ATP13A5: variants seen among roughly 807,000 people sequenced by gnomAD.
ATP13A5 encodes probable cation-transporting ATPase 13A5.
A neutral mutation model predicts 150.2 loss-of-function variants in ATP13A5; 149 were observed. That is an observed-to-expected ratio of 0.99 (90% CI 0.87 to 1.14). The LOEUF (loss-of-function observed/expected upper bound fraction) is 1.14, where lower values mean the gene tolerates loss of function less well. Among genes scored for constraint, ATP13A5 ranks in the 50% most tolerant of loss-of-function variants. ATP13A5 has a pLI of 0.00. For synonymous variants in ATP13A5, 497 were observed against 522.2 expected (o/e 0.95, Z 0.66); for missense variants, 1,383 against 1,449.3 (o/e 0.95, Z 0.74).
At chr3:193,345,774 G>A (rs917522946) in intron 7 of ATP13A5, among the ~76,000 whole-genome samples, 1 of 152,140 alleles carries the variant, frequency 6.6e-6, no homozygotes, top group Non-Finnish European at 1.5e-5. Context: ...GCCATATTTA[G>A]TTCACTTTAA....
intron 11 of ATP13A5, among the ~76,000 whole-genome samples, 171 bp downstream of exon 11, chr3:193,333,579 A>G (rs1711724769): frequency 6.6e-6 from 1 of 152,214 alleles, no homozygotes; most frequent in Non-Finnish European, 1.5e-5. Flanking sequence ...TATTACCTAA[A>G]CACTGGGGGC....
intron 26 of ATP13A5, among the ~76,000 whole-genome samples, chr3:193,289,117 C>G (rs1208215546): frequency 6.6e-6 from 1 of 152,126 alleles, no homozygotes; most frequent in African/African-American, 2.4e-5. Context: ...TTCTGGTGCT[C>G]TGTGGAGTGA....
intron 1 of ATP13A5, among the ~76,000 whole-genome samples, chr3:193,373,200 G>A (rs1055981515): frequency 3.3e-5 from 5 of 152,030 alleles, no homozygotes; most frequent in Admixed American, 6.6e-5. Flanking sequence ...CTGCAATGGC[G>A]TGATCTCGGC....
chr3:193,329,360 A>G (rs1403467214), intron 12 of ATP13A5, among the ~76,000 whole-genome samples: 1 of 152,186 alleles, frequency 6.6e-6, no homozygotes, highest in African/African-American at 2.4e-5. Flanking sequence ...TGCCCTGCAG[A>G]GTTTGACCAA....
At chr3:193,290,382 G>T (rs1012095903) in intron 25 of ATP13A5, among the ~76,000 whole-genome samples, 1 of 152,090 alleles carries the variant, frequency 6.6e-6, no homozygotes, top group Non-Finnish European at 1.5e-5. Context: ...GAGGGAAATG[G>T]CCTTGCTCGT....
rs767507761 is a variant in ATP13A5 at position 193,305,647 on chromosome 3, C to T, written c.2590G>A (p.Gly864Ser). Residue 864 changes from glycine (G) to serine (S), a missense_variant, in exon 23 of 30, where the codon GGC (glycine) becomes AGC (serine). Gly to Ser is a moderately conservative substitution (Grantham distance 56). This residue lies in a region of ATP13A5 where 568 missense variants were observed against 621.5 expected (regional missense o/e 0.91). Transcript: ENST00000342358. ...DCGALKAAHA[G>S]ISLSEQEASV... ...GCTTCCTGCTCTGATAATGAAATGC[C>T]TGCATGAGCCGCTTTCAAAGCCTGG... is the stretch of plus-strand genomic sequence containing the variant. The T allele has an allele frequency of 6.2e-7, 1 of 1,613,946 alleles. No homozygotes were observed. Among genetic ancestry groups the T allele is most frequent in the South Asian group, 1.1e-5 (1 of 91,080 alleles).
rs140754891 is a variant in ATP13A5, at chr3:193,276,770, A to G, written c.3376T>C (p.Cys1126Arg). The G allele has an allele frequency of 3.5e-5, 56 of 1,611,982 alleles. No individual in the cohort carries two copies. The highest frequency in any genetic ancestry group is 4.4e-5 in the Non-Finnish European group (52 of 1,178,756). ...LILVVALTQF[C>R]VAFFVEDSIL... is the part of the protein sequence containing the mutation. ...TTTACCTCTACAAAGAAAGCCACAC[A>G]GAATTGGGTGAGGGCTACCACCAAA... is the stretch of plus-strand genomic sequence containing the variant. Residue 1126 changes from cysteine (C) to arginine (R), a missense_variant, in exon 29 of 30, where the codon TGT (cysteine) becomes CGT (arginine). Physicochemically the swap from Cys to Arg is radical, Grantham distance 180 (BLOSUM62 -3). This residue lies in a region of ATP13A5 where 568 missense variants were observed against 621.5 expected (regional missense o/e 0.91). Transcript: ENST00000342358.
At chr3:193,317,503 C>A (rs1474569670) in intron 17 of ATP13A5, among the ~76,000 whole-genome samples, 2 of 152,124 alleles carry the variant, frequency 1.3e-5, no homozygotes, top group Admixed American at 6.5e-5. Context: ...AAGGGGTGAG[C>A]CTTGATGGAG....
chr3:193,332,951 T>C (rs916878465), intron 11 of ATP13A5, among the ~76,000 whole-genome samples: 2 of 152,154 alleles, frequency 1.3e-5, no homozygotes, highest in African/African-American at 2.4e-5. Context: ...CCAGCCCCAG[T>C]GACCTTGACA....
At chr3:193,279,984 A>AT (rs1468400503) in intron 27 of ATP13A5, among the ~76,000 whole-genome samples, 6 of 147,780 alleles carry the variant, frequency 4.1e-5, no homozygotes, top group African/African-American at 1.5e-4. Flanking sequence ...GTTAAAAAAA[A>AT]AAAAAAAAAA....
At chr3:193,284,696 A>C (rs1364514988) in intron 27 of ATP13A5, among the ~76,000 whole-genome samples, 2 of 152,154 alleles carry the variant, frequency 1.3e-5, no homozygotes, top group African/African-American at 2.4e-5. Context: ...ATAGGACAAG[A>C]CTCATGTGAC....
At chr3:193,356,854 C>T (rs1006640520) in intron 5 of ATP13A5, among the ~76,000 whole-genome samples, 3 of 151,944 alleles carry the variant, frequency 2.0e-5, no homozygotes, top group African/African-American at 4.8e-5. Flanking sequence ...CTTGCTCTGT[C>T]GCCCAGGCTG....
At chr3:193,322,454 G>A in intron 15 of ATP13A5, 37 bp downstream of exon 15, 1 of 1,452,242 alleles carries the variant, frequency 6.9e-7, no homozygotes, top group Non-Finnish European at 9.6e-7. Context: ...CAGTTTTATG[G>A]GGAAAGAGCT....
At chr3:193,282,997 A>T (rs976978387) in intron 27 of ATP13A5, among the ~76,000 whole-genome samples, 3 of 152,216 alleles carry the variant, frequency 2.0e-5, no homozygotes, top group Admixed American at 6.5e-5. Flanking sequence ...TAAAACTATA[A>T]GTTTTAAAGT....
rs367784705 is a variant in ATP13A5, at chr3:193,314,014, C to G, written c.2319+19G>C. 1 of 1,611,584 alleles carries G rather than the reference C, an allele frequency of 6.2e-7. No individual in the cohort carries two copies. Among genetic ancestry groups the G allele is most frequent in the Non-Finnish European group, 8.5e-7 (1 of 1,179,422 alleles). On this transcript the variant is annotated intron_variant, in intron 19 of 29. Transcript: ENST00000342358. ...CCATCAGTCTAGGCCCACGGAGGGG[C>G]CTTCTAACATTTGCTCACTTTCTTC... is the stretch of plus-strand genomic sequence containing the variant.
chr3:193,330,122 A>G (rs1290225703), intron 12 of ATP13A5, among the ~76,000 whole-genome samples: 1 of 152,088 alleles, frequency 6.6e-6, no homozygotes, highest in Non-Finnish European at 1.5e-5. Context: ...TGTGCTTGTC[A>G]GCTGCTCAGC....
At chr3:193,310,288 A>G (rs1321170771) in intron 21 of ATP13A5, among the ~76,000 whole-genome samples, 5 of 152,084 alleles carry the variant, frequency 3.3e-5, no homozygotes, top group Non-Finnish European at 7.4e-5. Flanking sequence ...ATTTAGGTTG[A>G]TTCTATGTCT....
intron 7 of ATP13A5, among the ~76,000 whole-genome samples, chr3:193,348,456 G>A (rs531543916): frequency 6.1e-4 from 93 of 152,236 alleles, no homozygotes; most frequent in Non-Finnish European, 1.1e-3. Context: ...GCAGCCACCC[G>A]TGGAGCTCAG....
chr3:193,344,229 G>A (rs1279174739), intron 8 of ATP13A5, among the ~76,000 whole-genome samples, 174 bp from the exon 9 acceptor site: 9 of 152,160 alleles, frequency 5.9e-5, no homozygotes, highest in Non-Finnish European at 1.0e-4. Context: ...TTAGGAAATT[G>A]GTTCCTGGGA....
Sources: gnomAD v4.1 joint callset for allele counts (sites outside exome capture counted in the v4.1 genomes callset) on GRCh38, gnomAD v4.1.1 for gene constraint, gnomAD v4.1.1 regional missense constraint, MANE v1.5 for transcripts, NCBI Gene and HGNC (gene_info 2026-07-23, HGNC 2026-07-21) for gene names.